SLC66A3: variants seen among roughly 807,000 people sequenced by gnomAD.
SLC66A3 encodes the protein solute carrier family 66 member 3, also known as PQ loop repeat containing 3.
SLC66A3 carries 23 observed loss-of-function variants against 25.5 expected under a neutral mutation model. The observed-to-expected ratio is 0.90, with a 90% confidence interval of 0.65 to 1.28. The LOEUF is 1.28. Ranked by LOEUF, SLC66A3 falls within the 50% of genes most tolerant of loss-of-function variation. The pLI, the probability that SLC66A3 is intolerant of heterozygous loss-of-function variation, is 0.00. For synonymous variants in SLC66A3, 108 were observed against 112.6 expected (o/e 0.96, Z 0.26); for missense variants, 246 against 262.1 (o/e 0.94, Z 0.42).
intron 4 of SLC66A3, among the ~76,000 whole-genome samples, chr2:11,168,661 CCCT>C (rs972137187): frequency 4.6e-5 from 7 of 152,102 alleles, no homozygotes; most frequent in African/African-American, 1.7e-4. Flanking sequence ...CTGCAGTCCT[CCCT>C]CCTCTGCTCT....
intron 4 of SLC66A3, among the ~76,000 whole-genome samples, chr2:11,171,611 C>T (rs1013354790): frequency 6.6e-6 from 1 of 152,022 alleles, no homozygotes; most frequent in African/African-American, 2.4e-5. Flanking sequence ...CTCTGTCACC[C>T]AGGCTGGAGT....
chr2:11,159,627 C>G (rs1461740687), intron 1 of SLC66A3, among the ~76,000 whole-genome samples: 1 of 152,192 alleles, frequency 6.6e-6, no homozygotes, highest in Non-Finnish European at 1.5e-5. Context: ...CTGGGGGGCC[C>G]CTCCTGTGTG....
intron 5 of SLC66A3, chr2:11,172,712 T>A (rs1397215276): frequency 4.6e-6 from 2 of 432,534 alleles, no homozygotes; most frequent in South Asian, 3.4e-5. Flanking sequence ...CTTAATTATG[T>A]CTTAAAATCA....
intron 4 of SLC66A3, among the ~76,000 whole-genome samples, chr2:11,168,840 G>A (rs182533528): frequency 3.9e-5 from 6 of 152,030 alleles, no homozygotes; most frequent in East Asian, 1.9e-4. Context: ...CACTCCCTGC[G>A]GTTCCCTTCT....
intron 4 of SLC66A3, among the ~76,000 whole-genome samples, chr2:11,164,683 G>A (rs1199778424): frequency 3.3e-5 from 5 of 151,102 alleles, no homozygotes; most frequent in South Asian, 2.1e-4. Flanking sequence ...AGGACCCTGC[G>A]GCCTTCCGCA....
intron 4 of SLC66A3, among the ~76,000 whole-genome samples, chr2:11,169,957 G>A (rs1482616863): frequency 6.8e-6 from 1 of 147,902 alleles, no homozygotes; most frequent in Non-Finnish European, 1.5e-5. Context: ...TCCTGCCTCA[G>A]CCTCCCGAGT....
At chr2:11,167,818 C>A (rs1662397190) in intron 4 of SLC66A3, among the ~76,000 whole-genome samples, 1 of 152,148 alleles carries the variant, frequency 6.6e-6, no homozygotes, top group African/African-American at 2.4e-5. Flanking sequence ...GGAGCGGGTG[C>A]TGCTTGAATC....
Position 11,178,092 on chromosome 2 carries a change from A to C in SLC66A3, c.*264A>C, listed in dbSNP as rs1662830796. On this transcript the variant is annotated 3_prime_UTR_variant, in exon 7 of 7. Coordinates refer to ENST00000295083, the MANE Select transcript of SLC66A3 (RefSeq NM_152391.5). ...GGCCAGTCACTGTTGGAAGTCATCC[A>C]AGAAGCCCATTTTGAGGCCATTTTG... The C allele has an allele frequency of 6.6e-6, 2 of 302,848 alleles. No individual in the cohort carries two copies. Among genetic ancestry groups the C allele is most frequent in the East Asian group, 1.2e-4 (2 of 17,168 alleles). 18.8% of individuals were successfully genotyped at this position (302,848 alleles called of 1,614,324 possible). A position where few individuals can be genotyped will look rare whatever the true frequency, so the allele number is the denominator to read the frequency against.
At chr2:11,164,329 A>T (rs973642494) in intron 4 of SLC66A3, 68 bp downstream of exon 4, 13 of 110,908 alleles carry the variant, frequency 1.2e-4, no homozygotes, top group African/African-American at 1.9e-4. Context: ...ATAGATATTT[A>T]TATATATATA....
intron 4 of SLC66A3, among the ~76,000 whole-genome samples, chr2:11,171,576 CT>C (rs200627319): frequency 1.3e-4 from 20 of 149,866 alleles, no homozygotes; most frequent in African/African-American, 4.6e-4. Context: ...TGCTCTTTTG[CT>C]TTTTTTTTGA....
intron 4 of SLC66A3, among the ~76,000 whole-genome samples, chr2:11,167,993 C>T (rs1326300787): frequency 1.3e-5 from 2 of 152,114 alleles, no homozygotes; most frequent in African/African-American, 4.8e-5. Context: ...TAAAAATGAT[C>T]TGCAAGGCCG....
At chr2:11,163,404 C>T (rs1446062044) in intron 3 of SLC66A3, among the ~76,000 whole-genome samples, 3 of 152,234 alleles carry the variant, frequency 2.0e-5, no homozygotes, top group Non-Finnish European at 2.9e-5. Flanking sequence ...CAGCTTCGAG[C>T]TACCTTCTGG....
chr2:11,162,646 G>A (rs181104277), intron 3 of SLC66A3, among the ~76,000 whole-genome samples: 27 of 151,998 alleles, frequency 1.8e-4, no homozygotes, highest in East Asian at 5.8e-4. Context: ...ACACTCTGTC[G>A]CCCAGGCTGG....
chr2:11,174,469 G>A (rs1051371472), intron 5 of SLC66A3, among the ~76,000 whole-genome samples: 9 of 152,130 alleles, frequency 5.9e-5, no homozygotes, highest in Non-Finnish European at 1.2e-4. Flanking sequence ...TTGGGCCATT[G>A]GGGTAGGATG....
At chr2:11,165,961 C>T (rs1338483595) in intron 4 of SLC66A3, among the ~76,000 whole-genome samples, 4 of 152,198 alleles carry the variant, frequency 2.6e-5, no homozygotes, top group Admixed American at 6.5e-5. Flanking sequence ...GCCGAGATGG[C>T]GGCAGTCCAG....
Position 11,160,566 on chromosome 2 carries a change from G to A in SLC66A3, c.226+18G>A. On this transcript the variant is annotated intron_variant, in intron 2 of 6. Transcript: ENST00000295083. ...CGCGCAAGGTAACAGCCCCTTCCCT[G>A]TCCAGCGGACTGCCACGGGTCTCCC... 6.2e-7 allele frequency: 1 copy of A among 1,614,136 alleles called. No individual in the cohort carries two copies. The highest frequency in any genetic ancestry group is 1.1e-5 in the South Asian group (1 of 91,082).
chr2:11,163,634 A>G (rs1662203604), intron 3 of SLC66A3, among the ~76,000 whole-genome samples: 1 of 152,226 alleles, frequency 6.6e-6, no homozygotes, highest in South Asian at 2.1e-4. Context: ...GTCCCCTTCC[A>G]GCCCTGGCCG....
chr2:11,172,728 TTC>T (rs1662597983), intron 5 of SLC66A3: 3 of 420,498 alleles, frequency 7.1e-6, no homozygotes, highest in Non-Finnish European at 1.5e-5. Context: ...AATCAAGACT[TTC>T]TTTCTTTTTT....
intron 1 of SLC66A3, among the ~76,000 whole-genome samples, chr2:11,156,890 C>T (rs1661923549): frequency 1.3e-5 from 2 of 152,026 alleles, no homozygotes; most frequent in Admixed American, 6.6e-5. Context: ...GAGGCTGGAG[C>T]GATGAGGTTG....
Sources: allele counts gnomAD v4.1 joint callset (sites outside exome capture counted in the v4.1 genomes callset), GRCh38; gene constraint gnomAD v4.1.1; transcripts MANE v1.5; gene names NCBI Gene and HGNC (gene_info 2026-07-23, HGNC 2026-07-21).